Variants in SMN1 observed in about 807,000 individuals in gnomAD.
The protein encoded by SMN1 is survival motor neuron protein.
For missense variants in SMN1, 15 were observed against 17.1 expected (o/e 0.88, Z 0.22); for synonymous variants, 3 against 5.1 (o/e 0.58, Z 0.56).
At chr5:70,955,234 A>G (rs564933582), downstream of SMN1, among the ~76,000 whole-genome samples, 2,462 of 144,914 alleles carry the variant, frequency 0.017, 86 homozygotes, top group African/African-American at 0.06. Context: ...AACCAAACCA[A>G]AGCAACAAAC....
At chr5:70,954,715 T>C (rs1474935474), downstream of SMN1, among the ~76,000 whole-genome samples, 8 of 51,124 alleles carry the variant, frequency 1.6e-4, no homozygotes, top group African/African-American at 3.9e-4. Context: ...TAGCCCGGCA[T>C]GGTGGCACGC....
chr5:70,952,156 A>G (rs1221767506), intron 8 of SMN1, 162 bp downstream of exon 8: 9 of 1,466,640 alleles, frequency 6.1e-6, no homozygotes, highest in Non-Finnish European at 8.2e-6. Flanking sequence ...AAACTATTAG[A>G]TAAAAGGTTA....
At chr5:70,957,011 C>G (rs1749922635), downstream of SMN1, among the ~76,000 whole-genome samples, 2 of 82,394 alleles carry the variant, frequency 2.4e-5, no homozygotes, top group Admixed American at 3.1e-4. Context: ...GTTTGTAGTT[C>G]TCCTTGAAGA....
chr5:70,949,936 T>C, intron 7 of SMN1, among the ~76,000 whole-genome samples: 1 of 124,496 alleles, frequency 8.0e-6, no homozygotes. Context: ...GGCGTGGTGG[T>C]GCATGCCTGT....
At chr5:70,935,743 A>ATT (rs1749411087) in intron 1 of SMN1, among the ~76,000 whole-genome samples, 2 of 152,070 alleles carry the variant, frequency 1.3e-5, no homozygotes. Flanking sequence ...GCATAGCGAG[A>ATT]CTCTTGTCTC....
chr5:70,957,520 G>A (rs58088657), downstream of SMN1, among the ~76,000 whole-genome samples: 8,345 of 149,364 alleles, frequency 0.056, 89 homozygotes, highest in African/African-American at 0.19. Context: ...AGAGTTTTTA[G>A]CATGAAGGAT....
At chr5:70,955,350 C>T (rs1749879530), downstream of SMN1, among the ~76,000 whole-genome samples, 1 of 144,972 alleles carries the variant, frequency 6.9e-6, no homozygotes, top group South Asian at 2.3e-4. Context: ...AAGCCATTCT[C>T]CCACCTCGGG....
At chr5:70,954,917 A>C (rs1295344127), downstream of SMN1, among the ~76,000 whole-genome samples, 1 of 57,814 alleles carries the variant, frequency 1.7e-5, no homozygotes, top group Non-Finnish European at 3.5e-5. Context: ...ACACGTTACT[A>C]AGAGCAACTC....
At chr5:70,954,852 C>CAA (rs1233451411), downstream of SMN1, among the ~76,000 whole-genome samples, 2 of 6,746 alleles carry the variant, frequency 3.0e-4, 1 homozygote, top group Non-Finnish European at 6.7e-4. Context: ...GACTCCGTCT[C>CAA]AAAAAAAAAA....
downstream of SMN1, among the ~76,000 whole-genome samples, chr5:70,957,394 G>C (rs1172957052): frequency 1.2e-4 from 16 of 130,028 alleles, no homozygotes; most frequent in African/African-American, 2.5e-4. Context: ...TGTCTTGTGC[G>C]TGTTTTCAAA....
At chr5:70,950,055 C>A in intron 7 of SMN1, among the ~76,000 whole-genome samples, 1 of 144,198 alleles carries the variant, frequency 6.9e-6, no homozygotes, top group Admixed American at 7.1e-5. Flanking sequence ...GCAATAAGAG[C>A]AAAACTCCAT....
intron 7 of SMN1, among the ~76,000 whole-genome samples, chr5:70,950,349 G>A (rs1160593988): frequency 3.4e-5 from 5 of 148,038 alleles, no homozygotes; most frequent in South Asian, 2.1e-4. Flanking sequence ...CTGAGAAGGC[G>A]GAGGTTGCGG....
downstream of SMN1, among the ~76,000 whole-genome samples, chr5:70,956,617 G>C (rs1291106165): frequency 1.3e-5 from 2 of 149,260 alleles, 1 homozygote; most frequent in Non-Finnish European, 3.0e-5. Flanking sequence ...TCAAAGATCA[G>C]ATAGTTGTAG....
At chr5:70,945,571 C>CTG (rs551335741) in intron 6 of SMN1, among the ~76,000 whole-genome samples, 2,041 of 105,472 alleles carry the variant, frequency 0.019, 312 homozygotes, top group South Asian at 0.073. Context: ...GCTATGTGAG[C>CTG]TGTGTGTGTG....
At chr5:70,935,974 TA>T (rs1290696850) in intron 1 of SMN1, among the ~76,000 whole-genome samples, 8 of 78,676 alleles carry the variant, frequency 1.0e-4, no homozygotes, top group African/African-American at 2.1e-4. Flanking sequence ...TTTTATTTTT[TA>T]TTGAAGTAAA....
At chr5:70,925,078 CCACGCTGCG>C (rs1322883985) in exon 1 of SMN1, 9 of 29,632 alleles carry the variant, frequency 3.0e-4, 1 homozygote, top group African/African-American at 1.1e-3. Flanking sequence ...GGACGGGGCC[CCACGCTGCG>C]CACCCGCGGG....
At chr5:70,954,959 C>A (rs1397794677), downstream of SMN1, among the ~76,000 whole-genome samples, 3 of 104,584 alleles carry the variant, frequency 2.9e-5, no homozygotes, top group Non-Finnish European at 5.8e-5. Context: ...CACCTGTAAT[C>A]CCAGCATTTT....
chr5:70,945,582 T>C (rs1749537682), intron 6 of SMN1, among the ~76,000 whole-genome samples: 1 of 110,780 alleles, frequency 9.0e-6, no homozygotes, highest in Admixed American at 9.6e-5. Flanking sequence ...TGTGTGTGTG[T>C]GTGTGTGTGT....
chr5:70,959,672 G>T, the SMN1 span, among the ~76,000 whole-genome samples: 2 of 26,542 alleles, frequency 7.5e-5, no homozygotes, highest in Non-Finnish European at 1.5e-4. Context: ...ACGGAGTCTT[G>T]CTCTGTTGCC....
Sources: allele counts gnomAD v4.1 joint callset (sites outside exome capture counted in the v4.1 genomes callset), GRCh38; gene constraint gnomAD v4.1.1; transcripts MANE v1.5; gene names NCBI Gene and HGNC (gene_info 2026-07-23, HGNC 2026-07-21).